DNAJC7: variants seen among roughly 807,000 people sequenced by gnomAD.
DNAJC7 encodes DnaJ heat shock protein family (Hsp40) member C7.
A neutral mutation model predicts 67.4 loss-of-function variants in DNAJC7; 18 were observed. The ratio of observed to expected loss-of-function variants is 0.27; its 90% CI spans 0.18 to 0.40. The LOEUF is 0.40. Ranked by LOEUF, DNAJC7 falls within the 10% of genes least tolerant of loss-of-function variation. The pLI is 1.00. For missense variants in DNAJC7, 419 were observed against 613.8 expected (o/e 0.68, Z 3.35); for synonymous variants, 220 against 207.8 (o/e 1.06, Z -0.50).
At chr17:42,007,666 G>A (rs1173618971) in intron 1 of DNAJC7, among the ~76,000 whole-genome samples, 1 of 151,618 alleles carries the variant, frequency 6.6e-6, no homozygotes, top group Non-Finnish European at 1.5e-5. Flanking sequence ...TGGGACTACA[G>A]GCACGCACCA....
In DNAJC7 at chr17:42,009,726, T is replaced by G. The variant is rs549154409; in HGVS notation, c.77+7614A>C. Among the ~76,000 whole-genome samples, 4 of 152,340 alleles carry G rather than the reference T, an allele frequency of 2.6e-5. No individual in the cohort carries two copies. In the East Asian group the frequency reaches 7.7e-4, roughly 29 times the overall value. On this transcript the variant is annotated intron_variant, in intron 1 of 13. Transcript: ENST00000457167. ...GGCTTTTCAGCATTAGCCAGAGGCT[T>G]GTTTTCATAACATATCCCCAAACCC...
In DNAJC7 at chr17:41,996,383, A is replaced by G. The variant is rs370060389; in HGVS notation, c.333T>C (p.Asn111=). The change falls in exon 4 of 14, where the codon AAT becomes AAC. Residue 111 remains asparagine, a synonymous_variant. Transcript: ENST00000457167. The part of the protein sequence containing the change: ...REGKCHLSLG[N]AMAACRSFQR... ...GGAAGCTGCGACATGCTGCCATGGC[A>G]TTCCCCAGAGAGAGGTGGCACTTGC... 1.4e-5 allele frequency: 23 copies of G among 1,613,926 alleles called. No homozygotes were observed. Among genetic ancestry groups the G allele is most frequent in the Non-Finnish European group, 1.8e-5 (21 of 1,179,910 alleles).
chr17:41,976,550 T>A lies in DNAJC7; in HGVS notation c.*183A>T. 1.1e-4 allele frequency: 60 copies of A among 557,378 alleles called. No individual in the cohort carries two copies. The highest frequency in any genetic ancestry group is 4.8e-4 in the East Asian group (10 of 20,960). The allele number at this position is 557,378 out of a possible 1,614,324, so 34.5% of individuals were successfully genotyped here. A position where few individuals can be genotyped will look rare whatever the true frequency, so the allele number is the denominator to read the frequency against. On this transcript the variant is annotated 3_prime_UTR_variant, in exon 14 of 14. Coordinates refer to ENST00000457167, the MANE Select transcript of DNAJC7 (RefSeq NM_003315.4). ...CCACCCCCGCCTCCCTCCCCTGCCC[T>A]CGGTCTTCGGCATTGGTTCCCTTTG...
intron 1 of DNAJC7, chr17:42,015,393 A>C (rs1051636957): frequency 1.3e-5 from 2 of 152,142 alleles, no homozygotes; most frequent in African/African-American, 4.8e-5. Context: ...ATTTTATTAT[A>C]TGTCTTCAGG....
At chr17:42,012,096 C>A (rs773352646) in intron 1 of DNAJC7, among the ~76,000 whole-genome samples, 3 of 152,228 alleles carry the variant, frequency 2.0e-5, no homozygotes, top group Non-Finnish European at 2.9e-5. Flanking sequence ...TAAGGATGTC[C>A]TGACTCTTAA....
intron 12 of DNAJC7, among the ~76,000 whole-genome samples, chr17:41,980,290 C>T (rs782151378): frequency 7.9e-5 from 12 of 152,082 alleles, no homozygotes; most frequent in Admixed American, 2.0e-4. Flanking sequence ...CCTTGTGGTC[C>T]GCCCACCTTG....
At chr17:42,010,096 C>T (rs2052076700) in intron 1 of DNAJC7, among the ~76,000 whole-genome samples, 1 of 151,834 alleles carries the variant, frequency 6.6e-6, no homozygotes, top group East Asian at 1.9e-4. Flanking sequence ...GAGCCGAGAT[C>T]GTGCCATTGC....
intron 4 of DNAJC7, among the ~76,000 whole-genome samples, chr17:41,995,508 G>A (rs148888661): frequency 2.6e-5 from 4 of 152,262 alleles, no homozygotes; most frequent in Non-Finnish European, 4.4e-5. Context: ...TTGTAATACC[G>A]TATTTTTACT....
At position 41,976,609 on chromosome 17, in the gene DNAJC7, A is replaced by G. The variant is rs1307051481; in HGVS notation, c.*124T>C. On this transcript the variant is annotated 3_prime_UTR_variant, in exon 14 of 14. Transcript: ENST00000457167. ...CACTCACAGAGACACAGGGCATCCA[A>G]CTGAGAAAACGAAACTGCTCTAAGC... 7.8e-7 allele frequency: 1 copy of G among 1,283,362 alleles called. No homozygotes were observed. Among genetic ancestry groups the G allele is most frequent in the Non-Finnish European group, 1.1e-6 (1 of 934,248 alleles). The allele number at this position is 1,283,362 out of a possible 1,614,324, so 79.5% of individuals were successfully genotyped here.
intron 3 of DNAJC7, 124 bp from the exon 4 acceptor site, chr17:41,996,548 TCC>T: frequency 5.4e-6 from 4 of 745,160 alleles, no homozygotes; most frequent in Non-Finnish European, 8.6e-6. Flanking sequence ...ACACCTGTAA[TCC>T]CAGCACTTTG....
At chr17:41,994,576 G>A (rs1216534379) in intron 5 of DNAJC7, among the ~76,000 whole-genome samples, 7 of 150,810 alleles carry the variant, frequency 4.6e-5, no homozygotes, top group Non-Finnish European at 8.8e-5. Context: ...TAATTCCAGC[G>A]GGCTTTCCCT....
chr17:42,004,595 A>C (rs949630706), intron 1 of DNAJC7, among the ~76,000 whole-genome samples: 2 of 152,344 alleles, frequency 1.3e-5, no homozygotes, highest in African/African-American at 4.8e-5. Context: ...AAGGTTTTCC[A>C]AAAAAATCTG....
At chr17:42,012,569 A>G (rs1166464305) in intron 1 of DNAJC7, among the ~76,000 whole-genome samples, 1 of 152,246 alleles carries the variant, frequency 6.6e-6, no homozygotes, top group Non-Finnish European at 1.5e-5. Context: ...CCCAGGAGAT[A>G]TAACAAGAGA....
chr17:41,981,798 A>T, intron 12 of DNAJC7, 57 bp downstream of exon 12: 1 of 1,589,044 alleles, frequency 6.3e-7, no homozygotes, highest in East Asian at 2.2e-5. Context: ...ATCTTTGGAA[A>T]AAATTCTAAC....
intron 1 of DNAJC7, chr17:42,017,029 G>A: frequency 1.5e-6 from 2 of 1,320,960 alleles, no homozygotes; most frequent in Non-Finnish European, 1.9e-6. Context: ...ACGCCGCGCC[G>A]CTTCCCCCAC....
At chr17:41,993,775 G>A (rs904496158) in intron 5 of DNAJC7, among the ~76,000 whole-genome samples, 8 of 151,970 alleles carry the variant, frequency 5.3e-5, no homozygotes, top group African/African-American at 1.9e-4. Context: ...GGTGGCTCAC[G>A]CCTGTAATCC....
chr17:42,004,916 TTGGGAGGCTAAGA>T (rs2051906147), intron 1 of DNAJC7, among the ~76,000 whole-genome samples: 1 of 152,086 alleles, frequency 6.6e-6, no homozygotes, highest in Non-Finnish European at 1.5e-5. Flanking sequence ...TCCCAACTAC[TTGGGAGGCTAAGA>T]TGGGAGGATC....
intron 12 of DNAJC7, 59 bp from the exon 13 acceptor site, chr17:41,977,382 G>A (rs1433656552): frequency 3.2e-5 from 46 of 1,429,390 alleles, no homozygotes; most frequent in Non-Finnish European, 4.3e-5. Context: ...AGAAATGTTC[G>A]AAGAGAACTG....
chr17:41,977,616 C>T (rs1350801285), intron 12 of DNAJC7: 3 of 283,444 alleles, frequency 1.1e-5, no homozygotes, highest in Non-Finnish European at 2.0e-5. Flanking sequence ...AAATGGAATG[C>T]CATTTGCACT....
Sources: gnomAD v4.1 joint callset for allele counts (sites outside exome capture counted in the v4.1 genomes callset) on GRCh38, gnomAD v4.1.1 for gene constraint, MANE v1.5 for transcripts, NCBI Gene and HGNC (gene_info 2026-07-23, HGNC 2026-07-21) for gene names.